The following CACNB1 variants were observed in gnomAD, a reference collection of about 807,000 sequenced individuals.
CACNB1 encodes calcium voltage-gated channel auxiliary subunit beta 1, also known as voltage-dependent L-type calcium channel subunit beta-1.
Under a neutral mutation model 71.6 loss-of-function variants are expected in CACNB1, and 29 were observed. The ratio of observed to expected loss-of-function variants is 0.40; its 90% confidence interval spans 0.30 to 0.55. The LOEUF is 0.55. Ranked by LOEUF, CACNB1 falls within the 20% of genes least tolerant of loss-of-function variation. The pLI is 0.38. For missense variants in CACNB1, 623 were observed against 801.8 expected, an observed-to-expected ratio of 0.78 and a Z score of 2.69; for synonymous variants, 300 against 319.6, an observed-to-expected ratio of 0.94 and a Z score of 0.65.
chr17:39,184,982 A>G (rs2301775), intron 7 of CACNB1, 118 bp from the exon 8 acceptor site: 175,093 of 964,494 alleles, frequency 0.18, 22,741 homozygotes, highest in African/African-American at 0.61. Flanking sequence ...GCCCAGATGT[A>G]GGGATCAGGG....
intron 11 of CACNB1, chr17:39,178,407 G>C: frequency 5.0e-6 from 1 of 198,144 alleles, no homozygotes; most frequent in South Asian, 7.9e-5. Flanking sequence ...TTAAATTTTA[G>C]AGACTGGTTC....
intron 6 of CACNB1, chr17:39,185,907 GC>G: frequency 6.3e-7 from 1 of 1,588,674 alleles, no homozygotes; most frequent in Non-Finnish European, 8.6e-7. Context: ...CAAAGTGCTG[GC>G]CCTGACTCCC....
Position 39,184,055 on chromosome 17 carries a change from G to A in CACNB1, c.874C>T (p.Arg292Cys), listed in dbSNP as rs1205502830. Residue 292 changes from arginine (R) to cysteine (C), a missense_variant, in exon 10 of 14, where the codon CGC becomes TGC. Arg to Cys is a radical substitution (Grantham distance 180). Transcript: ENST00000394303. The stretch of plus-strand genomic sequence containing the variant: ...CCCAGGCTGGAGCGTGTGTTGGAGC[G>A]CTCAATGATGATGTGTTTGCTGGGG... ...NNPSKHIIIE[R>C]SNTRSSLAEV... 9 of 1,612,672 alleles carry A rather than the reference G, an allele frequency of 5.6e-6. No homozygotes were observed. Among genetic ancestry groups the A allele is most frequent in the African/African-American group, 1.3e-5 (1 of 74,830 alleles).
intron 3 of CACNB1, among the ~76,000 whole-genome samples, chr17:39,188,571 CA>C (rs35050861): frequency 1.3e-3 from 143 of 112,234 alleles, no homozygotes; most frequent in Admixed American, 1.6e-3. Context: ...GAGACTCCGT[CA>C]AAAAAAAAAA....
intron 11 of CACNB1, chr17:39,183,124 T>C (rs1374863653): frequency 1.2e-5 from 2 of 161,022 alleles, no homozygotes; most frequent in Non-Finnish European, 2.6e-5. Context: ...AGGGCTGATA[T>C]CAAGAGAGGA....
intron 3 of CACNB1, among the ~76,000 whole-genome samples, chr17:39,190,153 G>A (rs564962414): frequency 6.6e-6 from 1 of 151,858 alleles, no homozygotes; most frequent in South Asian, 2.1e-4. Context: ...TGGGCACAGT[G>A]GCCCATGCCT....
intron 1 of CACNB1, among the ~76,000 whole-genome samples, chr17:39,195,837 C>T (rs1292421504): frequency 2.0e-5 from 3 of 152,194 alleles, no homozygotes; most frequent in Non-Finnish European, 4.4e-5. Context: ...CGGCCCCGCA[C>T]CACATGAGCC....
Position 39,195,258 on chromosome 17 carries a change from C to T in CACNB1, c.85-288G>A, listed in dbSNP as rs780082454. 1.2e-5 allele frequency: 4 copies of T among 325,562 alleles called. No homozygotes were observed. In the South Asian group the frequency reaches 3.0e-4, roughly 24 times the overall value. The allele number at this position is 325,562 out of a possible 1,614,324, so 20.2% of individuals were successfully genotyped here. On this transcript the variant is annotated intron_variant, in intron 1 of 13. Transcript: ENST00000394303. Reference sequence around the variant, plus strand: ...CCAGAGAGGCTGGGAAGGGGGGAGGCGCGGAGAAGCTGGAGGCTCATTAGG... The same window carrying T: ...CCAGAGAGGCTGGGAAGGGGGGAGGTGCGGAGAAGCTGGAGGCTCATTAGG...
Position 39,175,452 on chromosome 17 carries a change from G to A in CACNB1, c.1538C>T (p.Thr513Met), listed in dbSNP as rs1465901378. 2 of 1,614,054 alleles carry A rather than the reference G, an allele frequency of 1.2e-6. No homozygotes were observed. Among genetic ancestry groups the A allele is most frequent in the Non-Finnish European group, 8.5e-7 (1 of 1,180,044 alleles). The change falls in exon 14 of 14, where the codon ACG becomes ATG. Residue 513 changes from threonine (T) to methionine (M), a missense_variant. Coordinates refer to ENST00000394303, the MANE Select transcript of CACNB1 (RefSeq NM_000723.5). The surrounding 1 kb of genome is among the most constrained non-coding windows in gnomAD (Gnocchi z 4.7). ...GTCCACACATGAGTCTCCCAGCTCC[G>A]TGTAGGCAGAGTTTCGGCTGCCGGG... ...DTPGSRNSAYTELGDSCVDME... is the reference protein window; with the variant it reads ...DTPGSRNSAYMELGDSCVDME...
At chr17:39,182,729 A>T (rs1273360455) in intron 11 of CACNB1, among the ~76,000 whole-genome samples, 1 of 151,352 alleles carries the variant, frequency 6.6e-6, no homozygotes, top group South Asian at 2.1e-4. Flanking sequence ...ATAAATAAAT[A>T]AATAAATAAA....
Position 39,186,744 on chromosome 17 carries a change from G to A in CACNB1, c.551+49C>T, listed in dbSNP as rs758872782. 46 of 1,607,966 alleles carry A rather than the reference G, an allele frequency of 2.9e-5. No individual in the cohort carries two copies. The highest frequency in any genetic ancestry group is 4.0e-5 in the African/African-American group (3 of 74,816). On this transcript the variant is annotated intron_variant, in intron 5 of 13. Coordinates refer to ENST00000394303, the MANE Select transcript of CACNB1 (RefSeq NM_000723.5). The surrounding 1 kb of genome is among the most constrained non-coding windows in gnomAD (Gnocchi z 4.1). ...ATTGAGGCCTAGTCCAGGCTGTATG[G>A]CCTCTCCTGGGGTTGGCAGCATCCC...
intron 3 of CACNB1, among the ~76,000 whole-genome samples, chr17:39,187,850 C>T (rs1400240253): frequency 6.6e-6 from 1 of 152,020 alleles, no homozygotes; most frequent in Non-Finnish European, 1.5e-5. Context: ...CCCGTCTCTA[C>T]TAAAAATACA....
In CACNB1 at chr17:39,173,844, C is replaced by G. The variant is rs1305910955; in HGVS notation, c.*1349G>C. The stretch of plus-strand genomic sequence containing the variant: ...TTTTATATATGGCAAAATACTTCTC[C>G]TAGGGGAGTACAGACAAATATAGAC... On this transcript the variant is annotated 3_prime_UTR_variant, in exon 14 of 14. Coordinates refer to ENST00000394303, the MANE Select transcript of CACNB1 (RefSeq NM_000723.5). The G allele has an allele frequency of 1.3e-5, 2 of 152,728 alleles. No individual in the cohort carries two copies. Among genetic ancestry groups the G allele is most frequent in the African/African-American group, 4.8e-5 (2 of 41,468 alleles). 9.5% of individuals were successfully genotyped at this position (152,728 alleles called of 1,614,324 possible).
At position 39,178,089 on chromosome 17, in the gene CACNB1, GGA is replaced by G; in HGVS notation, c.1051-12_1051-11del. The stretch of plus-strand genomic sequence containing the variant: ...TGAGCCTTTGAAGTACCTGGTTTGG[GGA>G]GAGAGAAAAGGAAGAGGAGCTAGAG... On this transcript the variant is annotated splice_polypyrimidine_tract_variant and intron_variant, in intron 11 of 13. Coordinates refer to ENST00000394303, the MANE Select transcript of CACNB1 (RefSeq NM_000723.5). 6.2e-7 allele frequency: 1 copy of G among 1,608,756 alleles called. No individual in the cohort carries two copies. The highest frequency in any genetic ancestry group is 8.5e-7 in the Non-Finnish European group (1 of 1,175,138).
At chr17:39,178,745 C>T (rs2045662137) in intron 11 of CACNB1, among the ~76,000 whole-genome samples, 1 of 152,172 alleles carries the variant, frequency 6.6e-6, no homozygotes, top group Non-Finnish European at 1.5e-5. Flanking sequence ...TTGCTACATA[C>T]CAGCATTGTT....
At chr17:39,196,980 T>TCCTCGTGCCACCC in intron 1 of CACNB1, among the ~76,000 whole-genome samples, 1 of 151,562 alleles carries the variant, frequency 6.6e-6, no homozygotes, top group Admixed American at 6.6e-5. Context: ...CTCGGCCACC[T>TCCTCGTGCCACCC]CCTCGTGCCA....
chr17:39,190,595 G>A (rs952511393), intron 3 of CACNB1, among the ~76,000 whole-genome samples: 8 of 151,474 alleles, frequency 5.3e-5, no homozygotes, highest in African/African-American at 1.5e-4. Flanking sequence ...ACCCAGCTAC[G>A]TTTTGTATTT....
Position 39,197,664 on chromosome 17 carries a change from T to G in CACNB1, c.-169A>C. The G allele has an allele frequency of 5.6e-6, 3 of 531,300 alleles. No individual in the cohort carries two copies. The Middle Eastern group carries it at 1.4e-3, about 252-fold the overall frequency. 32.9% of individuals were successfully genotyped at this position (531,300 alleles called of 1,614,324 possible). ...GCCTTCCCTCGCTCCTCCCGCTCTCTCCACTGCCGCCGCCGCCTCCCCCGT... is the reference window on the plus strand; with the variant it reads ...GCCTTCCCTCGCTCCTCCCGCTCTCGCCACTGCCGCCGCCGCCTCCCCCGT... On this transcript the variant is annotated 5_prime_UTR_variant, in exon 1 of 14. Coordinates refer to ENST00000394303, the MANE Select transcript of CACNB1 (RefSeq NM_000723.5).
At chr17:39,177,069 TGGCACCA>T in intron 13 of CACNB1, 1 of 1,369,254 alleles carries the variant, frequency 7.3e-7, no homozygotes, top group South Asian at 1.8e-5. Flanking sequence ...TGCGCTCCTA[TGGCACCA>T]GGCCCAGGAA....
Sources: gnomAD v4.1 joint callset for allele counts (sites outside exome capture counted in the v4.1 genomes callset) on GRCh38, gnomAD v4.1.1 for gene constraint, Gnocchi (gnomAD v3.1) non-coding constraint, MANE v1.5 for transcripts, NCBI Gene and HGNC (gene_info 2026-07-23, HGNC 2026-07-21) for gene names.